EPG5: variants seen among roughly 807,000 people sequenced by gnomAD.
EPG5 encodes the protein ectopic P granules protein 5 homolog.
EPG5 carries 159 observed loss-of-function variants against 302.7 expected under a neutral mutation model. The ratio of observed to expected loss-of-function variants is 0.53; its 90% CI spans 0.46 to 0.60. The LOEUF is 0.60. Among genes scored for constraint, EPG5 ranks in the 20% least tolerant of loss-of-function variants. EPG5 has a pLI of 0.00. For missense variants in EPG5, 2,896 were observed against 3,092.4 expected, an observed-to-expected ratio of 0.94 and a Z score of 1.51; for synonymous variants, 1,158 against 1,136.8, an observed-to-expected ratio of 1.02 and a Z score of -0.37.
intron 23 of EPG5, 29 bp downstream of exon 23, chr18:45,910,492 A>G: frequency 1.3e-6 from 2 of 1,533,580 alleles, no homozygotes; most frequent in Non-Finnish European, 1.8e-6. Flanking sequence ...TGCAAACAAC[A>G]ATGTAGGTGG....
chr18:45,854,266 T>C (rs2048470457), intron 43 of EPG5, among the ~76,000 whole-genome samples: 1 of 152,238 alleles, frequency 6.6e-6, no homozygotes, highest in East Asian at 1.9e-4. Context: ...TAAGCCCAGA[T>C]CCCTGTGGAG....
At chr18:45,837,223 C>T in the EPG5 span, 1 of 1,402,410 alleles carries the variant, frequency 7.1e-7, no homozygotes, top group Non-Finnish European at 9.4e-7. Context: ...AAGGGGCCTG[C>T]AGGTGAATTA....
chr18:45,915,044 C>T (rs1292179338), intron 20 of EPG5, among the ~76,000 whole-genome samples: 9 of 151,412 alleles, frequency 5.9e-5, no homozygotes, highest in South Asian at 2.1e-4. Context: ...TTTGGGAGGC[C>T]GAGGTGGGCG....
the EPG5 span, among the ~76,000 whole-genome samples, chr18:45,819,057 T>C: frequency 6.6e-6 from 1 of 152,168 alleles, no homozygotes; most frequent in African/African-American, 2.4e-5. Context: ...AGTCAAGTTT[T>C]AAAGCAAAAT....
At chr18:45,966,795 C>T (rs1035239595) in intron 1 of EPG5, among the ~76,000 whole-genome samples, 1 of 152,142 alleles carries the variant, frequency 6.6e-6, no homozygotes, top group Non-Finnish European at 1.5e-5. Context: ...CCTCTTTATG[C>T]ATGGCAGGGA....
chr18:45,810,334 G>C, the EPG5 span, among the ~76,000 whole-genome samples: 1 of 152,118 alleles, frequency 6.6e-6, no homozygotes, highest in Non-Finnish European at 1.5e-5. Flanking sequence ...ACAAGATGGA[G>C]AAAGAAGGAA....
chr18:45,854,822 T>C (rs1319100109), intron 43 of EPG5, among the ~76,000 whole-genome samples: 3 of 152,150 alleles, frequency 2.0e-5, no homozygotes, highest in Non-Finnish European at 2.9e-5. Context: ...GATCACACCA[T>C]TGCACTCCTG....
rs560673236 is a variant in EPG5 at position 45,934,814 on chromosome 18, A to T, written c.2252T>A (p.Leu751His). 1.3e-5 allele frequency: 21 copies of T among 1,612,262 alleles called. No individual in the cohort carries two copies. The highest frequency in any genetic ancestry group is 1.7e-5 in the Non-Finnish European group (20 of 1,179,446). ...SLQPAQCKQQ[L>H]QDPEHFTNFE... is the part of the protein sequence containing the mutation. ...ACTGCTCGGCGGGGCTGTACCTTGG[A>T]GCTGCTGCTTGCACTGGGCGGGCTG... Residue 751 changes from leucine to histidine, a missense_variant, in exon 11 of 44, where the codon CTC becomes CAC. Coordinates refer to ENST00000282041, the MANE Select transcript of EPG5 (RefSeq NM_020964.3).
intron 8 of EPG5, 49 bp downstream of exon 8, chr18:45,943,956 G>T: frequency 1.7e-6 from 2 of 1,198,220 alleles, no homozygotes; most frequent in Non-Finnish European, 2.5e-6. Context: ...GAGTTCCTGT[G>T]TTTACACTTG....
Position 45,878,463 on chromosome 18 carries a change from A to T in EPG5, c.5870-15T>A. ...GGATTTCAGCACTAAAAAGTTTTAG[A>T]GACAAAACAAAGGTCATCATTTGTC... On this transcript the variant is annotated splice_polypyrimidine_tract_variant and intron_variant, in intron 33 of 43. Coordinates refer to ENST00000282041, the MANE Select transcript of EPG5 (RefSeq NM_020964.3). 2 of 1,571,848 alleles carry T rather than the reference A, an allele frequency of 1.3e-6. No individual in the cohort carries two copies. The highest frequency in any genetic ancestry group is 1.7e-6 in the Non-Finnish European group (2 of 1,143,784).
intron 1 of EPG5, among the ~76,000 whole-genome samples, chr18:45,964,486 C>T (rs975410152): frequency 2.6e-5 from 4 of 152,134 alleles, no homozygotes; most frequent in African/African-American, 9.7e-5. Flanking sequence ...GTGTTATGCA[C>T]TACTGCATTA....
chr18:45,869,091 G>A (rs1056597583), intron 36 of EPG5, among the ~76,000 whole-genome samples: 1 of 151,442 alleles, frequency 6.6e-6, no homozygotes, highest in Non-Finnish European at 1.5e-5. Flanking sequence ...AGGAACAGAT[G>A]TACTATAAAG....
chr18:45,925,660 T>C, intron 14 of EPG5, 78 bp downstream of exon 14: 1 of 1,148,414 alleles, frequency 8.7e-7, no homozygotes, highest in East Asian at 2.8e-5. Context: ...TCAGAAATGT[T>C]AGTGTTTTGA....
At chr18:45,807,825 T>C in the EPG5 span, among the ~76,000 whole-genome samples, 1 of 152,142 alleles carries the variant, frequency 6.6e-6, no homozygotes, top group Admixed American at 6.5e-5. Flanking sequence ...ACAAGGTTAA[T>C]ACCTCCAAAA....
Position 45,967,221 on chromosome 18 carries a change from G to C in EPG5, c.19C>G (p.Pro7Ala), listed in dbSNP as rs751686358. 1.2e-6 allele frequency: 2 copies of C among 1,604,908 alleles called. No homozygotes were observed. The highest frequency in any genetic ancestry group is 1.7e-6 in the Non-Finnish European group (2 of 1,175,998). Residue 7 changes from proline to alanine, a missense_variant, in exon 1 of 44, where the codon CCC becomes GCC. Coordinates refer to ENST00000282041, the MANE Select transcript of EPG5 (RefSeq NM_020964.3). MAEAVKPQRRAKAKASR... is the reference protein window; with the variant it reads MAEAVKAQRRAKAKASR... The stretch of plus-strand genomic sequence containing the variant: ...GCCTTGGCCTTGGCCCGGCGCTGGG[G>C]CTTCACCGCCTCGGCCATAGACCCT...
In EPG5 at chr18:45,944,088, A is replaced by C; in HGVS notation, c.1709T>G (p.Leu570Arg). 2 of 1,613,824 alleles carry C rather than the reference A, an allele frequency of 1.2e-6. No individual in the cohort carries two copies. The highest frequency in any genetic ancestry group is 1.1e-5 in the South Asian group (1 of 91,074). ...AATGGTAACCAAATCATCTTCATTA[A>C]GGAGAATCCAACTGGTCTCAGGGTC... ...DEDPETSWIL[L>R]NEDDLVTILA... The change falls in exon 8 of 44, where the codon CTT (leucine) becomes CGT (arginine). Residue 570 changes from leucine (L) to arginine (R), a missense_variant. Coordinates refer to ENST00000282041, the MANE Select transcript of EPG5 (RefSeq NM_020964.3).
downstream of EPG5, chr18:45,844,099 A>C (rs2048346839): frequency 6.6e-6 from 1 of 152,184 alleles, no homozygotes; most frequent in African/African-American, 2.4e-5. Flanking sequence ...AAAAAATGAA[A>C]TCCTGTCGCT....
intron 30 of EPG5, among the ~76,000 whole-genome samples, chr18:45,882,908 G>T (rs2049128411): frequency 6.6e-6 from 1 of 151,338 alleles, no homozygotes; most frequent in African/African-American, 2.4e-5. Context: ...TCAGGAGGCT[G>T]AGACAGGAGA....
chr18:45,864,279 T>C (rs931811532), intron 39 of EPG5, among the ~76,000 whole-genome samples: 1 of 152,164 alleles, frequency 6.6e-6, no homozygotes, highest in African/African-American at 2.4e-5. Flanking sequence ...TCCTCTGTGC[T>C]GCAATCTGAG....
Sources: gnomAD v4.1 joint callset for allele counts (sites outside exome capture counted in the v4.1 genomes callset) on GRCh38, gnomAD v4.1.1 for gene constraint, MANE v1.5 for transcripts, NCBI Gene and HGNC (gene_info 2026-07-23, HGNC 2026-07-21) for gene names.